The following ARHGAP15 variants were observed in gnomAD, a reference collection of about 807,000 sequenced individuals.
ARHGAP15 encodes rho GTPase-activating protein 15.
ARHGAP15 carries 51 observed loss-of-function variants against 63.7 expected under a neutral mutation model. The observed-to-expected ratio is 0.80, with a 90% CI of 0.64 to 1.01. The LOEUF (loss-of-function observed/expected upper bound fraction) is 1.01. ARHGAP15 is among the 50% of genes least tolerant of loss of function. The pLI is 0.00. For synonymous variants in ARHGAP15, 191 were observed against 193.8 expected, an observed-to-expected ratio of 0.99 and a Z score of 0.12; for missense variants, 560 against 564.6, an observed-to-expected ratio of 0.99 and a Z score of 0.08.
intron 6 of ARHGAP15, among the ~76,000 whole-genome samples, chr2:143,262,446 TC>T (rs1429295835): frequency 2.6e-5 from 4 of 152,048 alleles, no homozygotes; most frequent in Admixed American, 1.3e-4. Flanking sequence ...TTCTAGATTT[TC>T]CTCATCCTCA....
chr2:143,597,669 C>T (rs555809408), intron 11 of ARHGAP15, among the ~76,000 whole-genome samples: 1 of 151,988 alleles, frequency 6.6e-6, no homozygotes, highest in African/African-American at 2.4e-5. Context: ...CATTTACTCA[C>T]ATGAGAAAAT....
Position 143,746,955 on chromosome 2 carries a change from T to C in ARHGAP15, c.1245-21034T>C, listed in dbSNP as rs537143256. Among the ~76,000 whole-genome samples, 11 of 152,278 alleles carry C rather than the reference T, an allele frequency of 7.2e-5. No individual in the cohort carries two copies. In the South Asian group the frequency reaches 2.3e-3, roughly 32 times the overall value. Reference sequence around the variant, plus strand: ...CCATAAGGATACATGAGCAGGTAAATTGACCTCTAAGCCCTGAATGGATGC... The same window carrying C: ...CCATAAGGATACATGAGCAGGTAAACTGACCTCTAAGCCCTGAATGGATGC... On this transcript the variant is annotated intron_variant, in intron 13 of 13. Coordinates refer to ENST00000295095, the MANE Select transcript of ARHGAP15 (RefSeq NM_018460.4).
intron 13 of ARHGAP15, among the ~76,000 whole-genome samples, chr2:143,763,526 C>A (rs1319193211): frequency 3.3e-5 from 5 of 151,434 alleles, no homozygotes; most frequent in Admixed American, 1.3e-4. Context: ...CCTTTTCTAA[C>A]CTAAAGACAG....
chr2:143,643,537 C>T (rs914440491), intron 12 of ARHGAP15, among the ~76,000 whole-genome samples: 2 of 151,430 alleles, frequency 1.3e-5, no homozygotes, highest in African/African-American at 4.8e-5. Context: ...GAGGTCCCCA[C>T]TCCAGACCTC....
intron 12 of ARHGAP15, among the ~76,000 whole-genome samples, chr2:143,665,265 A>C: frequency 7.8e-6 from 1 of 127,642 alleles, no homozygotes; most frequent in African/African-American, 3.0e-5. Context: ...GGTTCAATAT[A>C]CGCAAATCAA....
chr2:143,384,131 A>G (rs926956926), intron 6 of ARHGAP15, among the ~76,000 whole-genome samples: 1 of 152,088 alleles, frequency 6.6e-6, no homozygotes, highest in Non-Finnish European at 1.5e-5. Flanking sequence ...ACTCTTAAGA[A>G]TTTTATTTTA....
intron 9 of ARHGAP15, among the ~76,000 whole-genome samples, chr2:143,499,570 A>G (rs1332847970): frequency 6.6e-6 from 1 of 152,212 alleles, no homozygotes; most frequent in East Asian, 1.9e-4. Context: ...TAGAGGAGAA[A>G]TAATTCCTGA....
chr2:143,608,879 A>T (rs555066784), intron 11 of ARHGAP15: 1 of 152,178 alleles, frequency 6.6e-6, no homozygotes, highest in African/African-American at 2.4e-5. Flanking sequence ...GTCATGAGTT[A>T]ATTATGTTAA....
At chr2:143,385,094 A>T (rs965929594) in intron 6 of ARHGAP15, among the ~76,000 whole-genome samples, 1 of 152,162 alleles carries the variant, frequency 6.6e-6, no homozygotes, top group Non-Finnish European at 1.5e-5. Context: ...TCAGTAATCT[A>T]CCAATCTTAG....
intron 6 of ARHGAP15, among the ~76,000 whole-genome samples, chr2:143,403,191 AATT>A (rs996582836): frequency 6.6e-6 from 1 of 151,882 alleles, no homozygotes; most frequent in Non-Finnish European, 1.5e-5. Context: ...CCAAAATTGT[AATT>A]ATTTTTTATT....
intron 6 of ARHGAP15, among the ~76,000 whole-genome samples, chr2:143,353,315 G>C (rs945881292): frequency 6.6e-6 from 1 of 152,064 alleles, no homozygotes; most frequent in Non-Finnish European, 1.5e-5. Context: ...ATAAAAGATT[G>C]ACATTGAATG....
chr2:143,297,807 G>A (rs537367147), intron 6 of ARHGAP15, among the ~76,000 whole-genome samples: 8 of 151,916 alleles, frequency 5.3e-5, no homozygotes, highest in Non-Finnish European at 8.8e-5. Context: ...ATTCAGCAGA[G>A]AGCCTGAATA....
chr2:143,519,164 C>G, intron 9 of ARHGAP15, 102 bp from the exon 10 acceptor site: 9 of 856,656 alleles, frequency 1.1e-5, no homozygotes, highest in Non-Finnish European at 1.1e-5. Flanking sequence ...AAATCTTATG[C>G]AAGATGAAGA....
intron 10 of ARHGAP15, among the ~76,000 whole-genome samples, chr2:143,532,487 T>C (rs1694563551): frequency 6.6e-6 from 1 of 152,214 alleles, no homozygotes; most frequent in South Asian, 2.1e-4. Flanking sequence ...AGTTTTTTTA[T>C]GGATGAGAGC....
chr2:143,131,253 G>A (rs77452381), intron 1 of ARHGAP15, among the ~76,000 whole-genome samples: 11,443 of 152,212 alleles, frequency 0.075, 595 homozygotes, highest in Non-Finnish European at 0.11. Context: ...TTTGTAAAGA[G>A]CAGTAAGGTA....
chr2:143,711,641 T>C lies in ARHGAP15; in HGVS notation c.1244+8117T>C, dbSNP rs533175885. Among the ~76,000 whole-genome samples, 17 of 152,338 alleles carry C rather than the reference T, an allele frequency of 1.1e-4. 1 individual carries two copies. The South Asian group carries it at 1.5e-3, about 13-fold the overall frequency. Reference sequence around the variant, plus strand: ...GTCTGATAAGGAGCTTGAAATTCTTTCTGTAGGCTAAGCACTGTCGCTCAC... The same window carrying C: ...GTCTGATAAGGAGCTTGAAATTCTTCCTGTAGGCTAAGCACTGTCGCTCAC... On this transcript the variant is annotated intron_variant, in intron 13 of 13. Transcript: ENST00000295095.
At chr2:143,541,406 T>G (rs1344893269) in intron 10 of ARHGAP15, among the ~76,000 whole-genome samples, 2 of 152,198 alleles carry the variant, frequency 1.3e-5, no homozygotes, top group East Asian at 3.9e-4. Context: ...CCAGCTTTGT[T>G]CTGTTGCTGG....
rs983290037 is a variant in ARHGAP15, at chr2:143,504,935, G to A, written c.827-14331G>A. 3.3e-5 allele frequency among the ~76,000 whole-genome samples: 5 copies of A among 152,292 alleles called. No individual in the cohort carries two copies. The East Asian group carries it at 7.7e-4, about 24-fold the overall frequency. On this transcript the variant is annotated intron_variant, in intron 9 of 13. Coordinates refer to ENST00000295095, the MANE Select transcript of ARHGAP15 (RefSeq NM_018460.4). Reference sequence around the variant, plus strand: ...GTCCACTTTGTCTTCAAAGGAAACAGAAAGGCTGTTCTCCTCCCCACCCTG... The same window carrying A: ...GTCCACTTTGTCTTCAAAGGAAACAAAAAGGCTGTTCTCCTCCCCACCCTG...
chr2:143,247,659 T>C (rs1181702124), intron 5 of ARHGAP15, among the ~76,000 whole-genome samples: 1 of 152,168 alleles, frequency 6.6e-6, no homozygotes, highest in East Asian at 1.9e-4. Flanking sequence ...TATGAGATTT[T>C]TCAAGGAAGA....
Sources: allele counts gnomAD v4.1 joint callset (sites outside exome capture counted in the v4.1 genomes callset), GRCh38; gene constraint gnomAD v4.1.1; transcripts MANE v1.5; gene names NCBI Gene and HGNC (gene_info 2026-07-23, HGNC 2026-07-21).